The following EXOC6 variants were observed in gnomAD, a reference collection of about 807,000 sequenced individuals.
EXOC6 encodes the protein SEC15-like 1.
EXOC6 carries 60 observed loss-of-function variants against 112.5 expected under a neutral mutation model. The observed-to-expected ratio is 0.53, with a 90% CI of 0.43 to 0.66. EXOC6 has a LOEUF of 0.66. Among genes scored for constraint, EXOC6 ranks in the 30% least tolerant of loss-of-function variants. EXOC6 has a pLI of 0.00. For missense variants in EXOC6, 855 were observed against 957.1 expected, an observed-to-expected ratio of 0.89 and a Z score of 1.41; for synonymous variants, 295 against 308.0, an observed-to-expected ratio of 0.96 and a Z score of 0.44.
intron 19 of EXOC6, chr10:92,999,203 CTTTTTTTTTTTTTTTACAAGTT>C: frequency 2.8e-6 from 1 of 352,206 alleles, no homozygotes; most frequent in Non-Finnish European, 5.3e-6. Flanking sequence ...CTAAGAAACA[CTTTTTTTTTTTTTTTACAAGTT>C]TTTTTTTTTT....
chr10:92,883,863 G>T (rs1355610784), intron 1 of EXOC6, among the ~76,000 whole-genome samples: 1 of 152,058 alleles, frequency 6.6e-6, no homozygotes, highest in Non-Finnish European at 1.5e-5. Flanking sequence ...AGGGGTAAAA[G>T]AGTTAAGTTT....
At chr10:92,988,971 T>A (rs1428410826) in intron 18 of EXOC6, among the ~76,000 whole-genome samples, 2 of 152,254 alleles carry the variant, frequency 1.3e-5, no homozygotes, top group Admixed American at 6.5e-5. Flanking sequence ...AAAGACATTC[T>A]AATGCAACCT....
intron 8 of EXOC6, among the ~76,000 whole-genome samples, chr10:92,926,629 A>G (rs1851741703): frequency 6.6e-6 from 1 of 151,924 alleles, no homozygotes; most frequent in Admixed American, 6.6e-5. Context: ...GAACTCCCAA[A>G]CTCAAACGAT....
intron 6 of EXOC6, among the ~76,000 whole-genome samples, chr10:92,911,075 A>C (rs967620369): frequency 6.6e-6 from 1 of 152,242 alleles, no homozygotes; most frequent in Admixed American, 6.5e-5. Flanking sequence ...AAAGTTAAAA[A>C]ATAATTAAAT....
chr10:92,986,994 G>A (rs879753491), intron 18 of EXOC6, among the ~76,000 whole-genome samples: 11 of 152,136 alleles, frequency 7.2e-5, no homozygotes, highest in East Asian at 3.9e-4. Context: ...TTAGTGTGCC[G>A]TCTTTCCTCG....
At chr10:92,848,456 C>CCA, upstream of EXOC6, 2 of 1,007,486 alleles carry the variant, frequency 2.0e-6, no homozygotes, top group Non-Finnish European at 2.5e-6. Context: ...CCCGCCCCTT[C>CCA]GCGCTCGCGC....
intron 17 of EXOC6, among the ~76,000 whole-genome samples, chr10:92,971,564 T>G (rs1842298884): frequency 6.6e-6 from 1 of 151,838 alleles, no homozygotes; most frequent in East Asian, 1.9e-4. Flanking sequence ...TTAGTAGAGA[T>G]GGGGTCTCAC....
At chr10:92,976,055 G>T (rs1263515748) in intron 18 of EXOC6, among the ~76,000 whole-genome samples, 1 of 141,684 alleles carries the variant, frequency 7.1e-6, no homozygotes, top group African/African-American at 2.7e-5. Context: ...TGGGGGGGGG[G>T]GTCAGCCCCC....
upstream of EXOC6, chr10:92,834,612 C>G: frequency 1.4e-6 from 1 of 721,882 alleles, no homozygotes. Context: ...TTTTGTTGCT[C>G]CTTTGGGTGA....
intron 20 of EXOC6, among the ~76,000 whole-genome samples, chr10:93,034,449 T>A (rs572131951): frequency 1.3e-5 from 2 of 152,150 alleles, no homozygotes; most frequent in African/African-American, 4.8e-5. Flanking sequence ...GATTATAAGG[T>A]TTAGGAAAGA....
chr10:92,858,471 G>A (rs1847733688), intron 1 of EXOC6, among the ~76,000 whole-genome samples: 1 of 150,776 alleles, frequency 6.6e-6, no homozygotes. Context: ...TTCTCTGATT[G>A]CATAATCAGA....
intron 1 of EXOC6, among the ~76,000 whole-genome samples, chr10:92,841,054 G>A (rs958237193): frequency 6.6e-6 from 1 of 152,076 alleles, no homozygotes; most frequent in Non-Finnish European, 1.5e-5. Flanking sequence ...CATACTTTTT[G>A]TGGTGAGAAC....
chr10:93,058,421 G>T lies in EXOC6; in HGVS notation c.*66G>T. On this transcript the variant is annotated 3_prime_UTR_variant, in exon 22 of 22. Coordinates refer to ENST00000260762, the MANE Select transcript of EXOC6 (RefSeq NM_019053.6). ...TCAATGTTGATCTTGAGCAAGTATT[G>T]GTCATGATACAGTAATTTGTTTACA... is the stretch of plus-strand genomic sequence containing the variant. The T allele has an allele frequency of 1.4e-6, 2 of 1,398,494 alleles. No individual in the cohort carries two copies. Among genetic ancestry groups the T allele is most frequent in the Non-Finnish European group, 1.9e-6 (2 of 1,047,752 alleles). The allele number at this position is 1,398,494 out of a possible 1,614,324, so 86.6% of individuals were successfully genotyped here.
intron 4 of EXOC6, among the ~76,000 whole-genome samples, chr10:92,898,156 T>C (rs1673733668): frequency 6.6e-6 from 1 of 151,880 alleles, no homozygotes; most frequent in Admixed American, 6.6e-5. Context: ...TGGTGACTCA[T>C]GACTGTAATC....
chr10:92,909,699 T>C, intron 6 of EXOC6, 68 bp downstream of exon 6: 2 of 951,130 alleles, frequency 2.1e-6, no homozygotes, highest in South Asian at 3.6e-5. Flanking sequence ...ATCCAAGGTT[T>C]ACTTCTTTAA....
At chr10:93,004,031 T>G (rs1470893659) in intron 19 of EXOC6, among the ~76,000 whole-genome samples, 4 of 152,132 alleles carry the variant, frequency 2.6e-5, no homozygotes, top group Non-Finnish European at 5.9e-5. Context: ...CTAGTGTCAT[T>G]TAGAAATTTG....
At chr10:92,870,976 A>G (rs10450391) in intron 1 of EXOC6, among the ~76,000 whole-genome samples, 2,283 of 152,104 alleles carry the variant, frequency 0.015, 52 homozygotes, top group African/African-American at 0.052. Context: ...CCAAAGTGCT[A>G]GGATTACAGG....
chr10:92,840,723 G>A (rs1267394830), intron 1 of EXOC6, among the ~76,000 whole-genome samples: 1 of 151,376 alleles, frequency 6.6e-6, no homozygotes, highest in African/African-American at 2.4e-5. Context: ...TGAATACAGT[G>A]GCACAGTCTT....
chr10:92,941,155 C>T (rs541024791), intron 13 of EXOC6, among the ~76,000 whole-genome samples: 3 of 152,280 alleles, frequency 2.0e-5, no homozygotes, highest in African/African-American at 7.2e-5. Flanking sequence ...GCTCTAGGTA[C>T]CTCATGTAAG....
Sources: allele counts gnomAD v4.1 joint callset (sites outside exome capture counted in the v4.1 genomes callset), GRCh38; gene constraint gnomAD v4.1.1; transcripts MANE v1.5; gene names NCBI Gene and HGNC (gene_info 2026-07-23, HGNC 2026-07-21).